Variants in CCDC171 observed in about 807,000 individuals in gnomAD.
CCDC171 encodes the protein coiled-coil domain containing 171, also known as coiled-coil domain-containing protein 171.
A neutral mutation model predicts 168.2 loss-of-function variants in CCDC171; 177 were observed. The observed-to-expected ratio is 1.05, with a 90% CI of 0.93 to 1.19. The LOEUF (loss-of-function observed/expected upper bound fraction) is 1.19. Among genes scored for constraint, CCDC171 ranks in the 50% most tolerant of loss-of-function variants. The pLI is 0.00. For synonymous variants in CCDC171, 687 were observed against 540.8 expected (o/e 1.27, Z -3.75); for missense variants, 1,991 against 1,539.0 (o/e 1.29, Z -4.91).
At chr9:16,048,688 A>AAAT in intron 1 of CCDC171, among the ~76,000 whole-genome samples, 1 of 150,496 alleles carries the variant, frequency 6.6e-6, no homozygotes, top group South Asian at 2.1e-4. Context: ...GAAAGTAAAG[A>AAAT]AATAAAGAAA....
chr9:16,091,902 A>T, the CCDC171 span, among the ~76,000 whole-genome samples: 53 of 152,362 alleles, frequency 3.5e-4, 1 homozygote, highest in Middle Eastern at 0.014. Context: ...TGAGTGAGTC[A>T]TCACTTTCTA....
Position 15,825,127 on chromosome 9 carries a change from C to A in CCDC171, c.3268-21575C>A, listed in dbSNP as rs150800346. 6.9e-4 allele frequency among the ~76,000 whole-genome samples: 105 copies of A among 152,198 alleles called. No homozygotes were observed. In the East Asian group the frequency reaches 0.02, roughly 29 times the overall value. On this transcript the variant is annotated intron_variant, in intron 21 of 25. Transcript: ENST00000380701. ...TCTTCATCCACCTATGACTGAATTTCAGATGAGAATATTTTTCTAGTTTAC... is the reference window on the plus strand; with the variant it reads ...TCTTCATCCACCTATGACTGAATTTAAGATGAGAATATTTTTCTAGTTTAC...
chr9:15,856,268 A>G (rs2061345683), intron 23 of CCDC171, among the ~76,000 whole-genome samples: 2 of 152,010 alleles, frequency 1.3e-5, no homozygotes, highest in Admixed American at 1.3e-4. Flanking sequence ...GTTATAAGGC[A>G]GACTTTCAGA....
chr9:16,101,635 G>A, the CCDC171 span, among the ~76,000 whole-genome samples: 3 of 152,244 alleles, frequency 2.0e-5, no homozygotes, highest in Non-Finnish European at 2.9e-5. Context: ...TGGGTCTAGA[G>A]TCCAGAGAAA....
intron 23 of CCDC171, among the ~76,000 whole-genome samples, chr9:15,870,545 T>C (rs2061990642): frequency 6.6e-6 from 1 of 151,890 alleles, no homozygotes; most frequent in African/African-American, 2.4e-5. Context: ...TCAGACACTG[T>C]ATACATCTTC....
chr9:15,748,303 C>T (rs991322262), intron 18 of CCDC171, among the ~76,000 whole-genome samples: 1 of 152,056 alleles, frequency 6.6e-6, no homozygotes, highest in Non-Finnish European at 1.5e-5. Flanking sequence ...AACAAAGCCT[C>T]CAAGAAATAG....
chr9:16,004,674 T>C (rs1328369221), intron 3 of CCDC171, among the ~76,000 whole-genome samples: 2 of 152,206 alleles, frequency 1.3e-5, no homozygotes, highest in African/African-American at 4.8e-5. Flanking sequence ...ATATTTCTAC[T>C]AGCTGGCTTA....
At position 15,601,037 on chromosome 9, in the gene CCDC171, C is replaced by T. The variant is rs1013644806; in HGVS notation, c.675+6865C>T. Among the ~76,000 whole-genome samples, 3 of 152,262 alleles carry T rather than the reference C, an allele frequency of 2.0e-5. No homozygotes were observed. The East Asian group carries it at 5.8e-4, about 29-fold the overall frequency. ...CGATTTACAGGTGCCATCTGTCACC[C>T]CTTTCCTTGGCTAGGAAAGGGAATT... On this transcript the variant is annotated intron_variant, in intron 6 of 25. Transcript: ENST00000380701.
chr9:15,982,618 C>A (rs1421224645), intron 3 of CCDC171, among the ~76,000 whole-genome samples: 2 of 152,144 alleles, frequency 1.3e-5, no homozygotes, highest in African/African-American at 4.8e-5. Context: ...CTCCTCTCCT[C>A]TGTTCCTGGG....
At chr9:16,042,602 T>G (rs560614074), upstream of CCDC171, among the ~76,000 whole-genome samples, 1 of 152,026 alleles carries the variant, frequency 6.6e-6, no homozygotes, top group East Asian at 1.9e-4. Context: ...TAGCTCAGTC[T>G]CTGGGGCACA....
intron 21 of CCDC171, among the ~76,000 whole-genome samples, chr9:15,826,113 C>CT (rs1196947659): frequency 6.6e-6 from 1 of 151,896 alleles, no homozygotes; most frequent in African/African-American, 2.4e-5. Flanking sequence ...TATTGAAATG[C>CT]TTTTTATTGT....
intron 18 of CCDC171, among the ~76,000 whole-genome samples, chr9:15,765,228 A>G (rs2056658479): frequency 6.6e-6 from 1 of 152,164 alleles, no homozygotes; most frequent in Admixed American, 6.6e-5. Context: ...TCTGTTAAAG[A>G]CAGTTTTTAT....
Position 16,053,027 on chromosome 9 carries a change from C to T in CCDC171, n.90-7619C>T, listed in dbSNP as rs1291752833. Among the ~76,000 whole-genome samples the T allele has an allele frequency of 5.3e-5, 8 of 152,302 alleles. No homozygotes were observed. The East Asian group carries it at 5.8e-4, about 11-fold the overall frequency. On this transcript the variant is annotated intron_variant and non_coding_transcript_variant, in intron 1 of 1. Transcript: ENST00000478913. Reference sequence around the variant, plus strand: ...TTCTATGCATACATTGTTGCTGGAACGGTAACATTTGCAAAACCTTAACAT... The same window carrying T: ...TTCTATGCATACATTGTTGCTGGAATGGTAACATTTGCAAAACCTTAACAT...
At chr9:15,834,323 A>G (rs924953208) in intron 21 of CCDC171, among the ~76,000 whole-genome samples, 5 of 152,196 alleles carry the variant, frequency 3.3e-5, no homozygotes, top group Admixed American at 6.5e-5. Flanking sequence ...TATTTCTAGC[A>G]TGATTAAGTG....
At chr9:16,049,600 G>A (rs1833718425) in intron 1 of CCDC171, among the ~76,000 whole-genome samples, 1 of 152,162 alleles carries the variant, frequency 6.6e-6, no homozygotes, top group Non-Finnish European at 1.5e-5. Flanking sequence ...TACACCAGCA[G>A]CACCCTGGGT....
chr9:15,872,605 A>C (rs1379182388), intron 23 of CCDC171, among the ~76,000 whole-genome samples: 1 of 152,082 alleles, frequency 6.6e-6, no homozygotes, highest in African/African-American at 2.4e-5. Context: ...TATCGCAGTT[A>C]AACTTGACTT....
At chr9:15,855,586 G>C (rs2061319610) in intron 23 of CCDC171, among the ~76,000 whole-genome samples, 1 of 151,662 alleles carries the variant, frequency 6.6e-6, no homozygotes, top group Non-Finnish European at 1.5e-5. Context: ...ATTTTTTTCT[G>C]CATGTGTTAT....
intron 24 of CCDC171, among the ~76,000 whole-genome samples, chr9:15,880,084 T>G (rs1425522211): frequency 3.3e-5 from 5 of 152,160 alleles, no homozygotes; most frequent in African/African-American, 9.7e-5. Context: ...TTACACAGAG[T>G]TGCTAAGTTT....
chr9:15,584,835 A>G (rs2041425950), intron 4 of CCDC171, among the ~76,000 whole-genome samples: 1 of 152,202 alleles, frequency 6.6e-6, no homozygotes, highest in African/African-American at 2.4e-5. Flanking sequence ...TAGGAATATA[A>G]GAATTGGAAG....
Sources: gnomAD v4.1 joint callset for allele counts (sites outside exome capture counted in the v4.1 genomes callset) on GRCh38, gnomAD v4.1.1 for gene constraint, MANE v1.5 for transcripts, NCBI Gene and HGNC (gene_info 2026-07-23, HGNC 2026-07-21) for gene names.